OGA: variants seen among roughly 807,000 people sequenced by gnomAD.
OGA encodes O-GlcNAcase, also known as protein O-GlcNAcase.
OGA carries 21 observed loss-of-function variants against 102.0 expected under a neutral mutation model. The ratio of observed to expected loss-of-function variants is 0.21; its 90% CI spans 0.15 to 0.30. The LOEUF is 0.30. Among genes scored for constraint, OGA ranks in the 10% least tolerant of loss-of-function variants. The pLI is 1.00. For synonymous variants in OGA, 408 were observed against 378.2 expected (o/e 1.08, Z -0.91); for missense variants, 765 against 1,107.8 (o/e 0.69, Z 4.39).
At chr10:101,813,684 C>G (rs1333923177) in intron 1 of OGA, 78 bp from the exon 2 acceptor site, 2 of 803,824 alleles carry the variant, frequency 2.5e-6, no homozygotes, top group East Asian at 5.3e-5. Context: ...AGTTACAAAA[C>G]ATATAATACA....
rs1337474174 is a variant in OGA, at chr10:101,817,882, T to G, written c.141A>C (p.Gly47=). 1 of 1,555,100 alleles carries G rather than the reference T, an allele frequency of 6.4e-7. No homozygotes were observed. The highest frequency in any genetic ancestry group is 8.7e-7 in the Non-Finnish European group (1 of 1,153,216). ...PGEDNPAGAG[G]AAVAGAAGGA... ...CTCCTGCAGCCCCGGCCACCGCCGC[T>G]CCCCCAGCCCCGGCGGGGTTGTCTT... The change falls in exon 1 of 16, where the codon GGA becomes GGC. Residue 47 remains glycine (G), a synonymous_variant. Coordinates refer to ENST00000361464, the MANE Select transcript of OGA (RefSeq NM_012215.5).
rs745717140 is a variant in OGA at position 101,785,942 on chromosome 10, T to G, written c.*509A>C. 2 of 152,256 alleles carry G rather than the reference T, an allele frequency of 1.3e-5. No individual in the cohort carries two copies. Among genetic ancestry groups the G allele is most frequent in the Non-Finnish European group, 2.9e-5 (2 of 68,068 alleles). The allele number at this position is 152,256 out of a possible 1,614,324, so 9.4% of individuals were successfully genotyped here. On this transcript the variant is annotated 3_prime_UTR_variant, in exon 16 of 16. Transcript: ENST00000361464. Reference sequence around the variant, plus strand: ...AATAACTGCCCCAAATTGAAATTATTTATTCAGCTTAAACTAATGCCACAA... The same window carrying G: ...AATAACTGCCCCAAATTGAAATTATGTATTCAGCTTAAACTAATGCCACAA...
chr10:101,787,794 A>C, intron 14 of OGA: 1 of 332,888 alleles, frequency 3.0e-6, no homozygotes, highest in Non-Finnish European at 5.7e-6. Flanking sequence ...CCCTATTTAT[A>C]TCGTCAGGGC....
intron 11 of OGA, 76 bp from the exon 12 acceptor site, chr10:101,793,019 T>C (rs561793514): frequency 8.8e-7 from 1 of 1,133,294 alleles, no homozygotes; most frequent in Non-Finnish European, 1.3e-6. Context: ...GCACTGCAGA[T>C]TACCAACTTA....
chr10:101,815,971 A>G, intron 1 of OGA, among the ~76,000 whole-genome samples: 2 of 128,824 alleles, frequency 1.6e-5, no homozygotes, highest in Non-Finnish European at 3.6e-5. Context: ...GAGAAAAAAA[A>G]AAAAAAAAAA....
intron 14 of OGA, among the ~76,000 whole-genome samples, chr10:101,788,620 G>A (rs2065220086): frequency 6.7e-6 from 1 of 148,718 alleles, no homozygotes; most frequent in South Asian, 2.1e-4. Context: ...CTGTAATCCC[G>A]ACTACTCGGG....
chr10:101,806,911 C>A (rs2065483776), intron 5 of OGA, among the ~76,000 whole-genome samples: 1 of 151,864 alleles, frequency 6.6e-6, no homozygotes, highest in Non-Finnish European at 1.5e-5. Context: ...CCGTCTCTAC[C>A]AAAAATATAA....
At position 101,787,699 on chromosome 10, in the gene OGA, C is replaced by T. The variant is rs2065206960; in HGVS notation, c.2455-176G>A. The T allele has an allele frequency of 2.0e-5, 12 of 594,492 alleles. No homozygotes were observed. In the South Asian group the frequency reaches 2.8e-4, roughly 14 times the overall value. 36.8% of individuals were successfully genotyped at this position (594,492 alleles called of 1,614,324 possible). A position where few individuals can be genotyped will look rare whatever the true frequency, so the allele number is the denominator to read the frequency against. On this transcript the variant is annotated intron_variant, in intron 14 of 15. Coordinates refer to ENST00000361464, the MANE Select transcript of OGA (RefSeq NM_012215.5). ...TGAAGCATTTTCACTTTCTTTGAGA[C>T]AGGATCTCCTTCTGTTGGCCAGGCT... is the stretch of plus-strand genomic sequence containing the variant.
chr10:101,798,517 G>A (rs748088639), intron 9 of OGA, among the ~76,000 whole-genome samples: 3 of 150,648 alleles, frequency 2.0e-5, no homozygotes, highest in Non-Finnish European at 4.4e-5. Flanking sequence ...TTCTTCAAGC[G>A]ATTCTCCTGC....
At chr10:101,801,274 C>T (rs1386325102) in intron 7 of OGA, among the ~76,000 whole-genome samples, 1 of 151,862 alleles carries the variant, frequency 6.6e-6, no homozygotes, top group Non-Finnish European at 1.5e-5. Context: ...CACCTGTAAT[C>T]CCAGCTACTC....
intron 14 of OGA, among the ~76,000 whole-genome samples, chr10:101,788,505 G>A (rs1002743210): frequency 3.0e-4 from 46 of 151,278 alleles, no homozygotes; most frequent in Non-Finnish European, 4.7e-4. Context: ...GGGAGGCCGA[G>A]ACAGGTGAAT....
Position 101,803,930 on chromosome 10 carries a change from T to C in OGA, c.841A>G (p.Ile281Val). The C allele has an allele frequency of 1.2e-6, 2 of 1,614,158 alleles. No homozygotes were observed. The highest frequency in any genetic ancestry group is 1.7e-6 in the Non-Finnish European group (2 of 1,179,966). ...IKRAPVIWDN[I>V]HANDYDQKRL... ...TTCTGATCATAATCATTAGCATGAATGTTATCCCAGATTACTGGAGCTCTC... is the reference window on the plus strand; with the variant it reads ...TTCTGATCATAATCATTAGCATGAACGTTATCCCAGATTACTGGAGCTCTC... Residue 281 changes from isoleucine (I) to valine (V), a missense_variant, in exon 7 of 16, where the codon ATT (isoleucine) becomes GTT (valine). Ile to Val is a conservative substitution (Grantham distance 29). Around this residue, in one of 7 missense-constraint regions of OGA, gnomAD observed 13 missense variants for 56.5 expected, o/e 0.23. Transcript: ENST00000361464.
At chr10:101,786,647 T>C in intron 15 of OGA, 60 bp from the exon 16 acceptor site, 1 of 1,317,832 alleles carries the variant, frequency 7.6e-7, no homozygotes, top group Non-Finnish European at 1.0e-6. Context: ...TAATTATAGA[T>C]ATAAAACTAT....
intron 7 of OGA, 76 bp from the exon 8 acceptor site, chr10:101,800,476 G>C: frequency 1.8e-6 from 2 of 1,120,328 alleles, no homozygotes; most frequent in East Asian, 2.4e-5. Flanking sequence ...AAGAATAAAT[G>C]CAACTAGTTT....
rs1219101094 is a variant in OGA at position 101,818,440 on chromosome 10, T to C, written c.-418A>G. On this transcript the variant is annotated 5_prime_UTR_variant, in exon 1 of 16. Transcript: ENST00000361464. ...GCCTCCACCGCCCGCTTCCTGTTTA[T>C]CCGCACTGCGCTTGCGCTGCAGACC... The C allele has an allele frequency of 2.0e-6, 2 of 1,005,808 alleles. No homozygotes were observed. The highest frequency in any genetic ancestry group is 2.4e-6 in the Non-Finnish European group (2 of 842,646). The allele number at this position is 1,005,808 out of a possible 1,614,324, so 62.3% of individuals were successfully genotyped here.
At position 101,818,124 on chromosome 10, in the gene OGA, C is replaced by A; in HGVS notation, c.-102G>T. The A allele has an allele frequency of 2.1e-6, 3 of 1,397,544 alleles. No individual in the cohort carries two copies. Among genetic ancestry groups the A allele is most frequent in the Middle Eastern group, 2.3e-4 (1 of 4,276 alleles). 86.6% of individuals were successfully genotyped at this position (1,397,544 alleles called of 1,614,324 possible). On this transcript the variant is annotated 5_prime_UTR_variant, in exon 1 of 16. Transcript: ENST00000361464. ...GGAGAGGGCTTCAGCTCCAAGTGTG[C>A]GCCCCTCCGGCTCCTTCCCCTCCCC...
chr10:101,811,923 T>A (rs1320903274), intron 3 of OGA, among the ~76,000 whole-genome samples: 3 of 152,158 alleles, frequency 2.0e-5, no homozygotes, highest in Admixed American at 2.0e-4. Flanking sequence ...TGATTATTGA[T>A]CACATTAAGT....
chr10:101,817,748 A>T, intron 1 of OGA, 76 bp downstream of exon 1: 1 of 1,490,952 alleles, frequency 6.7e-7, no homozygotes, highest in South Asian at 1.2e-5. Context: ...TAGAGTCTCC[A>T]AAATCCCCGC....
intron 15 of OGA, among the ~76,000 whole-genome samples, chr10:101,787,033 G>A (rs922519527): frequency 1.3e-5 from 2 of 150,284 alleles, no homozygotes; most frequent in African/African-American, 2.4e-5. Flanking sequence ...CACCGTGCCC[G>A]GCCTTTTTTT....
Sources: gnomAD v4.1 joint callset for allele counts (sites outside exome capture counted in the v4.1 genomes callset) on GRCh38, gnomAD v4.1.1 for gene constraint, gnomAD v4.1.1 regional missense constraint, MANE v1.5 for transcripts, NCBI Gene and HGNC (gene_info 2026-07-23, HGNC 2026-07-21) for gene names.